The following TARM1 variants were observed in gnomAD, a reference collection of about 807,000 sequenced individuals.
The protein encoded by TARM1 is T cell-interacting, activating receptor on myeloid cells 1.
TARM1 carries 24 observed loss-of-function variants against 30.4 expected under a neutral mutation model. The observed-to-expected ratio is 0.79, with a 90% CI of 0.57 to 1.11. The LOEUF (loss-of-function observed/expected upper bound fraction) is 1.11. Among genes scored for constraint, TARM1 ranks in the 50% least tolerant of loss-of-function variants. The probability of loss-of-function intolerance (pLI) is 0.00; values close to 1 mark genes in which losing one functional copy is unlikely to be tolerated. For synonymous variants in TARM1, 129 were observed against 138.9 expected (o/e 0.93, Z 0.50); for missense variants, 323 against 332.8 (o/e 0.97, Z 0.23).
intron 1 of TARM1, among the ~76,000 whole-genome samples, chr19:54,079,578 A>G (rs1024737960): frequency 5.3e-5 from 8 of 152,202 alleles, no homozygotes; most frequent in African/African-American, 1.9e-4. Flanking sequence ...CAGAGCCACC[A>G]CAGTGGCTCA....
chr19:54,080,085 G>GAGAA lies in TARM1; in HGVS notation c.34+1218_34+1221dup, dbSNP rs370742485. The stretch of plus-strand genomic sequence containing the variant: ...GAGGAAGGAAGGAATGAAGGAGAAA[G>GAGAA]AGAAAGAAAGGAAGGAAGGAAGGAA... On this transcript the variant is annotated intron_variant, in intron 1 of 4. Transcript: ENST00000432826. 2.0e-4 allele frequency among the ~76,000 whole-genome samples: 15 copies of GAGAA among 73,592 alleles called. 1 individual carries two copies. Among genetic ancestry groups the GAGAA allele is most frequent in the Middle Eastern group, 0.015 (2 of 136 alleles). The allele number at this position is 73,592 out of a possible 152,430, so 48.3% of individuals were successfully genotyped here.
At chr19:54,073,770 G>T in intron 4 of TARM1, 150 bp downstream of exon 4, 2 of 1,025,142 alleles carry the variant, frequency 2.0e-6, no homozygotes, top group Non-Finnish European at 2.8e-6. Context: ...TGGGATGACA[G>T]GCATGAGCCA....
rs587706612 is a variant in TARM1 at position 54,080,863 on chromosome 19, T to G, written c.34+444A>C. Among the ~76,000 whole-genome samples, 1,031 of 151,964 alleles carry G rather than the reference T, an allele frequency of 6.8e-3. 6 individuals carry two copies. The highest frequency in any genetic ancestry group is 0.012 in the South Asian group (60 of 4,808). ...TGGCGCACCCCTGTAATCCAGTTAC[T>G]CAGGAGGCTGAAGCAGGAGAATCGC... On this transcript the variant is annotated intron_variant, in intron 1 of 4. Transcript: ENST00000432826.
chr19:54,079,299 G>A (rs587771451), intron 1 of TARM1, among the ~76,000 whole-genome samples: 1 of 151,410 alleles, frequency 6.6e-6, no homozygotes, highest in African/African-American at 2.4e-5. Flanking sequence ...TAGAATGGAG[G>A]TTACCAGGGG....
At position 54,075,461 on chromosome 19, in the gene TARM1, C is replaced by T. The variant is rs191076773; in HGVS notation, c.71-347G>A. 1.7e-3 allele frequency among the ~76,000 whole-genome samples: 260 copies of T among 150,436 alleles called. 3 individuals carry two copies. Among genetic ancestry groups the T allele is most frequent in the Middle Eastern group, 0.014 (4 of 294 alleles). ...TTGGCCTCCCAAAGTGCTGGGATTA[C>T]AGGCGTGAACCCCTGAGCCCAATCA... On this transcript the variant is annotated intron_variant, in intron 2 of 4. Transcript: ENST00000432826.
intron 1 of TARM1, among the ~76,000 whole-genome samples, chr19:54,077,853 C>T (rs1415098902): frequency 1.3e-5 from 2 of 151,148 alleles, no homozygotes; most frequent in African/African-American, 4.9e-5. Context: ...AGTGATTCTC[C>T]TGCCTCAGCC....
intron 1 of TARM1, chr19:54,076,401 C>A: frequency 2.0e-6 from 1 of 495,838 alleles, no homozygotes; most frequent in Non-Finnish European, 3.4e-6. Context: ...TGCGCTCTGT[C>A]GCCCAGGCTG....
At chr19:54,073,407 CAAAAAA>C (rs745643672) in intron 4 of TARM1, among the ~76,000 whole-genome samples, 119 of 66,090 alleles carry the variant, frequency 1.8e-3, no homozygotes, top group African/African-American at 6.9e-3. Flanking sequence ...GACTCCATTT[CAAAAAA>C]AAAAAAAAAA....
chr19:54,073,421 A>G (rs1427853556), intron 4 of TARM1, among the ~76,000 whole-genome samples: 1 of 151,050 alleles, frequency 6.6e-6, no homozygotes, highest in Non-Finnish European at 1.5e-5. Flanking sequence ...AAAAAAAAAA[A>G]AAAAAAAAAA....
At chr19:54,079,865 T>G (rs2072052005) in intron 1 of TARM1, among the ~76,000 whole-genome samples, 1 of 150,702 alleles carries the variant, frequency 6.6e-6, no homozygotes, top group Non-Finnish European at 1.5e-5. Context: ...ATCAGCCGGG[T>G]GTGTGGTGGG....
At chr19:54,072,385 C>A (rs1405319975) in intron 4 of TARM1, among the ~76,000 whole-genome samples, 2 of 152,000 alleles carry the variant, frequency 1.3e-5, no homozygotes, top group African/African-American at 4.8e-5. Context: ...GTGCTAGCAC[C>A]CAGTAAGGCA....
chr19:54,074,997 C>T lies in TARM1; in HGVS notation c.188G>A (p.Gly63Glu). The change falls in exon 3 of 5, where the codon GGA (glycine) becomes GAA (glutamate). Residue 63 changes from glycine (G) to glutamate (E), a missense_variant. Coordinates refer to ENST00000432826, the MANE Select transcript of TARM1 (RefSeq NM_001135686.3). ...ARGVSFVLRK[G>E]GIILESPKPL... ...CTTCGGGGACTCCAGAATAATTCCT[C>T]CCTTCCTGAGAACAAAGCTCACACC... 6.4e-7 allele frequency: 1 copy of T among 1,551,558 alleles called. No individual in the cohort carries two copies. The highest frequency in any genetic ancestry group is 8.7e-7 in the Non-Finnish European group (1 of 1,146,976).
intron 4 of TARM1, among the ~76,000 whole-genome samples, chr19:54,070,422 G>A (rs906949469): frequency 1.2e-4 from 18 of 151,756 alleles, no homozygotes; most frequent in Admixed American, 7.2e-4. Context: ...CACCATGCCC[G>A]GCTAATTTTA....
At chr19:54,072,262 A>G (rs868176678) in intron 4 of TARM1, among the ~76,000 whole-genome samples, 2 of 152,008 alleles carry the variant, frequency 1.3e-5, no homozygotes, top group African/African-American at 2.4e-5. Context: ...CTTTTTTGCA[A>G]TTCCTCTGTC....
chr19:54,077,495 C>T (rs991343218), intron 1 of TARM1, among the ~76,000 whole-genome samples: 5 of 152,102 alleles, frequency 3.3e-5, no homozygotes, highest in African/African-American at 1.2e-4. Context: ...GCCTGTGTCT[C>T]TGAGAGATTT....
chr19:54,081,333 G>A lies in TARM1; in HGVS notation c.8C>T (p.Pro3Leu), dbSNP rs1443482787. ...GAAACAGAGGAGGGAAAGCAGCTTAGGGATCATGATGGCTCCTTAGCCCTC... is the reference window on the plus strand; with the variant it reads ...GAAACAGAGGAGGGAAAGCAGCTTAAGGATCATGATGGCTCCTTAGCCCTC... Reference protein sequence around the residue: MIPKLLSLLCFRL... With the variant: MILKLLSLLCFRL... Residue 3 changes from proline to leucine, a missense_variant, in exon 1 of 5, where the codon CCT (proline) becomes CTT (leucine). Coordinates refer to ENST00000432826, the MANE Select transcript of TARM1 (RefSeq NM_001135686.3). 3.9e-6 allele frequency: 6 copies of A among 1,544,356 alleles called. No individual in the cohort carries two copies. The Admixed American group carries it at 1.2e-4, about 31-fold the overall frequency.
At chr19:54,074,782 C>T (rs781356964) in intron 3 of TARM1, 42 bp downstream of exon 3, 4 of 1,534,270 alleles carry the variant, frequency 2.6e-6, no homozygotes, top group Non-Finnish European at 3.5e-6. Context: ...CCTCCCTCAT[C>T]CCCTGTCCCC....
intron 4 of TARM1, 59 bp from the exon 5 acceptor site, chr19:54,070,219 G>A: frequency 6.6e-7 from 1 of 1,511,664 alleles, no homozygotes; most frequent in Middle Eastern, 2.0e-4. Flanking sequence ...TTCTCAAATG[G>A]CCCCACCAAA....
In TARM1 at chr19:54,071,060, C is replaced by T. The variant is rs931086007; in HGVS notation, c.659-900G>A. ...GCAACCTCCACCTCCTGGGTTCAAG[C>T]GATTCTCCTGCCTCAGCCTCCCGAA... On this transcript the variant is annotated intron_variant, in intron 4 of 4. Coordinates refer to ENST00000432826, the MANE Select transcript of TARM1 (RefSeq NM_001135686.3). Among the ~76,000 whole-genome samples, 5 of 151,436 alleles carry T rather than the reference C, an allele frequency of 3.3e-5. No individual in the cohort carries two copies. In the East Asian group the frequency reaches 5.9e-4, roughly 18 times the overall value.
Sources: allele counts gnomAD v4.1 joint callset (sites outside exome capture counted in the v4.1 genomes callset), GRCh38; gene constraint gnomAD v4.1.1; transcripts MANE v1.5; gene names NCBI Gene and HGNC (gene_info 2026-07-23, HGNC 2026-07-21).